Variants in CYRIB observed in about 807,000 individuals in gnomAD.
CYRIB encodes the protein CYFIP related Rac1 interactor B.
A neutral mutation model predicts 44.2 loss-of-function variants in CYRIB; 8 were observed. That is an observed-to-expected ratio of 0.18 (90% CI 0.11 to 0.33). The LOEUF is 0.33. Ranked by LOEUF, CYRIB falls within the 10% of genes least tolerant of loss-of-function variation. CYRIB has a pLI of 1.00. For missense variants in CYRIB, 185 were observed against 382.8 expected (o/e 0.48, Z 4.31); for synonymous variants, 131 against 127.2 (o/e 1.03, Z -0.20).
chr8:129,957,747 T>C (rs1034671690), intron 2 of CYRIB, among the ~76,000 whole-genome samples: 2 of 151,682 alleles, frequency 1.3e-5, no homozygotes, highest in East Asian at 3.9e-4. Flanking sequence ...AGGTGGATCA[T>C]GAGGTCAGGA....
chr8:129,867,216 C>A (rs2054136482), intron 4 of CYRIB, among the ~76,000 whole-genome samples: 1 of 151,392 alleles, frequency 6.6e-6, no homozygotes. Context: ...CTCCACCACC[C>A]AGGTACAAGT....
At chr8:129,986,636 G>A (rs962327168) in intron 1 of CYRIB, among the ~76,000 whole-genome samples, 3 of 152,150 alleles carry the variant, frequency 2.0e-5, no homozygotes, top group Admixed American at 6.5e-5. Flanking sequence ...CCCTCACCAT[G>A]TGATGCTCTG....
At chr8:129,941,105 A>T (rs1266255857), upstream of CYRIB, among the ~76,000 whole-genome samples, 2 of 152,100 alleles carry the variant, frequency 1.3e-5, no homozygotes, top group East Asian at 3.8e-4. Flanking sequence ...CATATTACTT[A>T]GAAACGTGTT....
chr8:130,005,888 C>G (rs1442202377), intron 1 of CYRIB, among the ~76,000 whole-genome samples: 2 of 151,872 alleles, frequency 1.3e-5, no homozygotes, highest in East Asian at 3.9e-4. Flanking sequence ...CATCTCACAC[C>G]AGCCACCCCA....
At chr8:129,942,728 C>A (rs1268173784), upstream of CYRIB, among the ~76,000 whole-genome samples, 2 of 152,210 alleles carry the variant, frequency 1.3e-5, no homozygotes, top group African/African-American at 4.8e-5. Context: ...TTTGTGAGTC[C>A]TTACAATGTG....
chr8:129,924,111 A>C (rs1159328855), intron 1 of CYRIB, among the ~76,000 whole-genome samples: 35 of 514 alleles, frequency 0.068, no homozygotes, highest in South Asian at 0.5. Flanking sequence ...CTCCACCCCA[A>C]AAAAAAAAAA....
intron 2 of CYRIB, among the ~76,000 whole-genome samples, chr8:129,968,865 C>G (rs2132077899): frequency 6.6e-6 from 1 of 152,210 alleles, no homozygotes; most frequent in South Asian, 2.1e-4. Context: ...GGCTCCAGAG[C>G]ACTCAATTCC....
chr8:130,006,612 ATATGTG>A (rs1275919840), intron 1 of CYRIB, among the ~76,000 whole-genome samples: 6 of 16,738 alleles, frequency 3.6e-4, no homozygotes, highest in East Asian at 4.7e-3. Flanking sequence ...ATATACATAT[ATATGTG>A]TATATATATA....
chr8:129,977,665 G>A (rs1421450110), intron 1 of CYRIB, among the ~76,000 whole-genome samples: 7 of 152,076 alleles, frequency 4.6e-5, no homozygotes, highest in South Asian at 2.1e-4. Context: ...CCAAGTAGCC[G>A]GGACTACAGG....
At chr8:129,923,946 T>C (rs2085541883) in intron 1 of CYRIB, among the ~76,000 whole-genome samples, 1 of 150,646 alleles carries the variant, frequency 6.6e-6, no homozygotes, top group South Asian at 2.1e-4. Flanking sequence ...GTTACCTTTT[T>C]ACAAAAAGTA....
At chr8:130,015,942 G>A (rs1214569843) in intron 1 of CYRIB, among the ~76,000 whole-genome samples, 1 of 152,170 alleles carries the variant, frequency 6.6e-6, no homozygotes, top group South Asian at 2.1e-4. Context: ...GTGGCCGGGG[G>A]CCAGCGCTGC....
intron 1 of CYRIB, among the ~76,000 whole-genome samples, chr8:129,982,628 A>T (rs2096280814): frequency 6.6e-6 from 1 of 152,206 alleles, no homozygotes; most frequent in Non-Finnish European, 1.5e-5. Flanking sequence ...ACTTTGCAAC[A>T]ATGTATGGAA....
At chr8:129,973,888 G>A (rs2095814255) in intron 1 of CYRIB, among the ~76,000 whole-genome samples, 1 of 152,066 alleles carries the variant, frequency 6.6e-6, no homozygotes, top group Admixed American at 6.5e-5. Flanking sequence ...CCCTCACCTA[G>A]CTGAGAAAGG....
intron 2 of CYRIB, chr8:129,896,928 C>A (rs914920002): frequency 6.6e-6 from 1 of 152,212 alleles, no homozygotes; most frequent in Non-Finnish European, 1.5e-5. Context: ...CTCACTATGA[C>A]TGAAATGGAT....
intron 2 of CYRIB, among the ~76,000 whole-genome samples, chr8:129,956,864 G>T (rs571339264): frequency 8.7e-6 from 1 of 114,688 alleles, no homozygotes; most frequent in African/African-American, 3.5e-5. Context: ...TTCTTTCTTG[G>T]CTCTTGCTCT....
intron 4 of CYRIB, among the ~76,000 whole-genome samples, chr8:129,866,238 C>T (rs1230038365): frequency 1.3e-5 from 2 of 152,326 alleles, no homozygotes; most frequent in South Asian, 4.1e-4. Flanking sequence ...CAATGCATTG[C>T]ATTTGTTTTT....
In CYRIB at chr8:129,888,582, C is replaced by A. The variant is rs1039891768; in HGVS notation, c.-10-9111G>T. On this transcript the variant is annotated intron_variant, in intron 2 of 11. Coordinates refer to ENST00000519824, the Ensembl canonical transcript of CYRIB. ...CAGAGAGAATCCTTGAGCTACCTAC[C>A]CACCTATAAATGCCCCTTCCATCCT... Among the ~76,000 whole-genome samples, 4 of 152,112 alleles carry A rather than the reference C, an allele frequency of 2.6e-5. No individual in the cohort carries two copies. In the East Asian group the frequency reaches 7.7e-4, roughly 29 times the overall value.
chr8:129,975,997 T>A (rs1349088054), intron 1 of CYRIB, among the ~76,000 whole-genome samples: 1 of 152,070 alleles, frequency 6.6e-6, no homozygotes, highest in African/African-American at 2.4e-5. Context: ...GGAAATCTTA[T>A]CTGGAAATGA....
At chr8:129,933,471 AT>A (rs1461337403) in intron 1 of CYRIB, among the ~76,000 whole-genome samples, 1 of 152,176 alleles carries the variant, frequency 6.6e-6, no homozygotes. Context: ...GATTAAGCTA[AT>A]AGGGTCTGGA....
Sources: allele counts gnomAD v4.1 joint callset (sites outside exome capture counted in the v4.1 genomes callset), GRCh38; gene constraint gnomAD v4.1.1; transcripts MANE v1.5; gene names NCBI Gene and HGNC (gene_info 2026-07-23, HGNC 2026-07-21).